Variants in TMOD4 observed in about 807,000 individuals in gnomAD.
The protein encoded by TMOD4 is tropomodulin 4.
Under a neutral mutation model 45.4 loss-of-function variants are expected in TMOD4, and 34 were observed. That is an observed-to-expected ratio of 0.75 (90% CI 0.57 to 1.00). TMOD4 has a LOEUF of 1.00. Among genes scored for constraint, TMOD4 ranks in the 50% least tolerant of loss-of-function variants. TMOD4 has a pLI of 0.00. For synonymous variants in TMOD4, 131 were observed against 153.9 expected, an observed-to-expected ratio of 0.85 and a Z score of 1.10; for missense variants, 399 against 437.5, an observed-to-expected ratio of 0.91 and a Z score of 0.78.
intron 4 of TMOD4, among the ~76,000 whole-genome samples, chr1:151,172,635 C>T (rs1683994118): frequency 6.6e-6 from 1 of 151,998 alleles, no homozygotes; most frequent in Admixed American, 6.6e-5. Flanking sequence ...AGAATGGTTC[C>T]ACTTTTTTTC....
intron 1 of TMOD4, chr1:151,175,186 G>C: frequency 3.0e-6 from 1 of 328,424 alleles, no homozygotes; most frequent in Non-Finnish European, 5.8e-6. Flanking sequence ...AGAAATCCTG[G>C]CAGCACCCCT....
At position 151,172,293 on chromosome 1, in the gene TMOD4, T is replaced by G; in HGVS notation, c.462A>C (p.Glu154Asp). ...TGCTAATGCCTTCAGTGTTGCAGAT[T>G]TCTCCACTGCAGAGGGCATCATAGT... ...KQYYDALCSG[E>D]ICNTEGISSV... Residue 154 changes from glutamate to aspartate, a missense_variant, in exon 5 of 10, where the codon GAA becomes GAC. Transcript: ENST00000295314. 6.2e-7 allele frequency: 1 copy of G among 1,613,848 alleles called. No individual in the cohort carries two copies. The highest frequency in any genetic ancestry group is 8.5e-7 in the Non-Finnish European group (1 of 1,179,788).
Position 151,172,283 on chromosome 1 carries a change from T to A in TMOD4, c.472A>T (p.Thr158Ser). Residue 158 changes from threonine to serine, a missense_variant, in exon 5 of 10, where the codon ACT becomes TCT. Coordinates refer to ENST00000295314, the MANE Select transcript of TMOD4 (RefSeq NM_013353.3). ...ACACACTCACTGCTAATGCCTTCAG[T>A]GTTGCAGATTTCTCCACTGCAGAGG... ...DALCSGEICN[T>S]EGISSVVQPD... 1.2e-6 allele frequency: 2 copies of A among 1,613,440 alleles called. No individual in the cohort carries two copies. Among genetic ancestry groups the A allele is most frequent in the Non-Finnish European group, 1.7e-6 (2 of 1,179,538 alleles).
chr1:151,175,785 T>C (rs1684081293), intron 1 of TMOD4, 139 bp downstream of exon 1: 1 of 152,142 alleles, frequency 6.6e-6, no homozygotes. Flanking sequence ...AGTTAAGGGG[T>C]AGGACGGCAC....
intron 4 of TMOD4, 30 bp from the exon 5 acceptor site, chr1:151,172,387 G>C: frequency 1.3e-6 from 2 of 1,534,056 alleles, no homozygotes; most frequent in Non-Finnish European, 9.0e-7. Context: ...GAGTCACAGG[G>C]AATGAGAAGG....
intron 4 of TMOD4, 31 bp downstream of exon 4, chr1:151,173,468 C>T (rs770633790): frequency 6.4e-7 from 1 of 1,567,210 alleles, no homozygotes; most frequent in South Asian, 1.1e-5. Context: ...GCCCCTGATC[C>T]TCTCACCCTC....
Position 151,174,435 on chromosome 1 carries a change from A to T in TMOD4, c.236T>A (p.Val79Asp), listed in dbSNP as rs752865919. The T allele has an allele frequency of 6.2e-7, 1 of 1,613,748 alleles. No individual in the cohort carries two copies. The highest frequency in any genetic ancestry group is 8.5e-7 in the Non-Finnish European group (1 of 1,179,988). The change falls in exon 3 of 10, where the codon GTC (valine) becomes GAC (aspartate). Residue 79 changes from valine (V) to aspartate (D), a missense_variant. Coordinates refer to ENST00000295314, the MANE Select transcript of TMOD4 (RefSeq NM_013353.3). ...GGGCACCAAGTCATCACGCTCTTTG[A>T]CTTCTAGTGCCTGTTGCTCCAAGTA... is the stretch of plus-strand genomic sequence containing the variant. Reference protein sequence around the residue: ...LQYLEQQALEVKERDDLVPFT... With the variant: ...LQYLEQQALEDKERDDLVPFT...
At chr1:151,173,453 C>A in intron 4 of TMOD4, 46 bp downstream of exon 4, 1 of 1,470,442 alleles carries the variant, frequency 6.8e-7, no homozygotes, top group Middle Eastern at 1.8e-4. Context: ...GGCTAGAATC[C>A]ACCTGCCCCT....
At position 151,170,068 on chromosome 1, in the gene TMOD4, G is replaced by C; in HGVS notation, c.*13C>G. The stretch of plus-strand genomic sequence containing the variant: ...AGTGCTCCCAGCGCTAGTTGGTAAA[G>C]GGAAATGCAGTGTTATCTCTTCTTT... On this transcript the variant is annotated 3_prime_UTR_variant, in exon 10 of 10. Transcript: ENST00000295314. 1 of 1,614,098 alleles carries C rather than the reference G, an allele frequency of 6.2e-7. No individual in the cohort carries two copies. The highest frequency in any genetic ancestry group is 8.5e-7 in the Non-Finnish European group (1 of 1,179,952).
At chr1:151,171,838 C>CT (rs200165349) in intron 5 of TMOD4, 75 bp from the exon 6 acceptor site, 202,542 of 1,217,716 alleles carry the variant, frequency 0.17, 625 homozygotes, top group African/African-American at 0.2. Flanking sequence ...CTTTTCTTTT[C>CT]TTTTTTTTTT....
At chr1:151,171,828 C>G in intron 5 of TMOD4, 65 bp from the exon 6 acceptor site, 1 of 1,478,632 alleles carries the variant, frequency 6.8e-7, no homozygotes, top group East Asian at 2.3e-5. Context: ...CATTGGTTTT[C>G]TTTTCTTTTC....
chr1:151,174,669 A>C (rs770212920), intron 2 of TMOD4, 84 bp downstream of exon 2: 4 of 1,603,730 alleles, frequency 2.5e-6, no homozygotes, highest in Non-Finnish European at 2.6e-6. Flanking sequence ...GTCCTGTAGC[A>C]AACCCTATTC....
At chr1:151,172,972 C>T (rs1684004390) in intron 4 of TMOD4, among the ~76,000 whole-genome samples, 1 of 152,162 alleles carries the variant, frequency 6.6e-6, no homozygotes, top group African/African-American at 2.4e-5. Flanking sequence ...CAGGCGCCCA[C>T]CACCACACCC....
At chr1:151,172,522 T>G (rs967802140) in intron 4 of TMOD4, among the ~76,000 whole-genome samples, 165 bp from the exon 5 acceptor site, 5 of 152,130 alleles carry the variant, frequency 3.3e-5, no homozygotes, top group African/African-American at 4.8e-5. Flanking sequence ...TCCATAAACT[T>G]CTTAAGGCAG....
chr1:151,171,861 A>C, intron 5 of TMOD4, 98 bp from the exon 6 acceptor site: 2 of 1,391,530 alleles, frequency 1.4e-6, no homozygotes, highest in Non-Finnish European at 1.9e-6. Context: ...TTTGAGATGG[A>C]GTCTCGCTCT....
chr1:151,172,404 T>C (rs754184405), intron 4 of TMOD4, 47 bp from the exon 5 acceptor site: 9 of 1,442,950 alleles, frequency 6.2e-6, no homozygotes, highest in Non-Finnish European at 8.8e-6. Flanking sequence ...AAGGAACCTG[T>C]TCCAAGCCTC....
At chr1:151,174,599 C>T in intron 2 of TMOD4, 52 bp from the exon 3 acceptor site, 2 of 1,603,430 alleles carry the variant, frequency 1.2e-6, no homozygotes, top group Non-Finnish European at 1.7e-6. Context: ...GACCTAGGTA[C>T]TGCTAGGGCT....
At chr1:151,173,807 T>G (rs764268661) in intron 3 of TMOD4, among the ~76,000 whole-genome samples, 192 bp from the exon 4 acceptor site, 13 of 151,892 alleles carry the variant, frequency 8.6e-5, no homozygotes, top group Non-Finnish European at 1.8e-4. Flanking sequence ...GGCTGGGCGC[T>G]GTGGCTCACG....
Position 151,171,762 on chromosome 1 carries a change from A to G in TMOD4, c.489T>C (p.Ser163=). ...GEICNTEGIS[S]VVQPDKYKPV... ...GCTTATACTTGTCAGGCTGTACCAC[A>G]CCTGGTGAATGAGGGCAGGAAGGGA... is the stretch of plus-strand genomic sequence containing the variant. The change falls in exon 6 of 10, where the codon AGT becomes AGC. Residue 163 remains serine (S), a splice_region_variant and synonymous_variant. Coordinates refer to ENST00000295314, the MANE Select transcript of TMOD4 (RefSeq NM_013353.3). The G allele has an allele frequency of 6.2e-7, 1 of 1,613,282 alleles. No individual in the cohort carries two copies. Among genetic ancestry groups the G allele is most frequent in the South Asian group, 1.1e-5 (1 of 91,020 alleles).
Sources: allele counts gnomAD v4.1 joint callset (sites outside exome capture counted in the v4.1 genomes callset), GRCh38; gene constraint gnomAD v4.1.1; transcripts MANE v1.5; gene names NCBI Gene and HGNC (gene_info 2026-07-23, HGNC 2026-07-21).